Variants in CRIM1 observed in about 807,000 individuals in gnomAD.
CRIM1 encodes the protein cysteine rich transmembrane BMP regulator 1.
In CRIM1, 32 loss-of-function variants were observed where a neutral mutation model predicts 116.4. The ratio of observed to expected loss-of-function variants is 0.27; its 90% confidence interval spans 0.21 to 0.37. CRIM1 has a LOEUF of 0.37. Ranked by LOEUF, CRIM1 falls within the 10% of genes least tolerant of loss-of-function variation. The probability of loss-of-function intolerance (pLI) is 1.00; values close to 1 mark genes in which losing one functional copy is unlikely to be tolerated. For missense variants in CRIM1, 1,331 were observed against 1,354.8 expected (o/e 0.98, Z 0.28); for synonymous variants, 590 against 509.2 (o/e 1.16, Z -2.13).
intron 13 of CRIM1, among the ~76,000 whole-genome samples, chr2:36,532,686 G>A (rs1355352921): frequency 2.0e-5 from 3 of 152,134 alleles, no homozygotes; most frequent in East Asian, 1.9e-4. Context: ...AGGTGCTGGC[G>A]GACTGTGGAA....
At chr2:36,541,791 TG>T (rs1328035862) in intron 14 of CRIM1, among the ~76,000 whole-genome samples, 2 of 152,228 alleles carry the variant, frequency 1.3e-5, no homozygotes, top group Non-Finnish European at 2.9e-5. Context: ...ACTGTCCATC[TG>T]TAATGCCAAC....
intron 5 of CRIM1, among the ~76,000 whole-genome samples, chr2:36,468,858 A>C (rs557509090): frequency 6.6e-6 from 1 of 152,188 alleles, no homozygotes; most frequent in Non-Finnish European, 1.5e-5. Flanking sequence ...CTTAGATACG[A>C]GCATTTGTCC....
rs1265514251 is a variant in CRIM1, at chr2:36,499,321, G to A, written c.1475G>A (p.Gly492Asp). The change falls in exon 8 of 17, where the codon GGT (glycine) becomes GAT (aspartate). Residue 492 changes from glycine to aspartate, a missense_variant. Around this residue, in one of 3 missense-constraint regions of CRIM1, gnomAD observed 690 missense variants for 676.0 expected, o/e 1.02. Transcript: ENST00000280527. ...AATGGTTTCAAACGCGATCACAATG[G>A]TTGTCGGACCTGTCAGTGCATAAAC... ...CINGFKRDHN[G>D]CRTCQCINTE... 4.3e-6 allele frequency: 7 copies of A among 1,614,126 alleles called. No homozygotes were observed. The highest frequency in any genetic ancestry group is 1.7e-5 in the Admixed American group (1 of 60,020).
chr2:36,356,609 C>T lies in CRIM1; in HGVS notation c.317C>T (p.Ala106Val), dbSNP rs745453573. 3.7e-6 allele frequency: 6 copies of T among 1,607,526 alleles called. No homozygotes were observed. The highest frequency in any genetic ancestry group is 4.2e-6 in the Non-Finnish European group (5 of 1,177,866). Residue 106 changes from alanine (A) to valine (V), a missense_variant, in exon 1 of 17, where the codon GCG (alanine) becomes GTG (valine). Physicochemically the swap from Ala to Val is moderately conservative, Grantham distance 64. Around this residue, in one of 3 missense-constraint regions of CRIM1, gnomAD observed 690 missense variants for 676.0 expected, o/e 1.02. Transcript: ENST00000280527. This position sits in a 1 kb window ranked among gnomAD's most constrained non-coding sequence, Gnocchi z 4.3. ...LNGDSLTEYEAGVCEDENWTD... is the reference protein window; with the variant it reads ...LNGDSLTEYEVGVCEDENWTD... ...GGCGACTCCCTCACCGAGTACGAAG[C>T]GGGCGTTTGCGAAGGTACGGCCGCC...
At chr2:36,459,465 T>G (rs1277591267) in intron 4 of CRIM1, among the ~76,000 whole-genome samples, 2 of 152,170 alleles carry the variant, frequency 1.3e-5, no homozygotes, top group South Asian at 4.1e-4. Flanking sequence ...ACCTTTATCA[T>G]TTTTTTACTA....
chr2:36,457,329 C>T (rs986105516), intron 4 of CRIM1, among the ~76,000 whole-genome samples: 10 of 151,658 alleles, frequency 6.6e-5, no homozygotes, highest in African/African-American at 2.4e-4. Context: ...TTTGATTCCT[C>T]CCCCCAGAAA....
At position 36,356,521 on chromosome 2, in the gene CRIM1, A is replaced by G. The variant is rs1254651841; in HGVS notation, c.229A>G (p.Thr77Ala). 1 of 1,612,794 alleles carries G rather than the reference A, an allele frequency of 6.2e-7. No homozygotes were observed. The highest frequency in any genetic ancestry group is 1.7e-5 in the Admixed American group (1 of 60,012). ...ASQRNESCGG[T>A]FGIYGTCDRG... ...CCAGAGGAACGAGAGCTGCGGCGGC[A>G]CCTTCGGGATTTACGGAACCTGCGA... Residue 77 changes from threonine to alanine, a missense_variant, in exon 1 of 17, where the codon ACC becomes GCC. Thr to Ala is a moderately conservative substitution (Grantham distance 58). Coordinates refer to ENST00000280527, the MANE Select transcript of CRIM1 (RefSeq NM_016441.3). The surrounding 1 kb of genome is among the most constrained non-coding windows in gnomAD (Gnocchi z 4.3).
At chr2:36,512,145 C>A (rs935138476) in intron 9 of CRIM1, 128 bp from the exon 10 acceptor site, 15 of 1,138,736 alleles carry the variant, frequency 1.3e-5, no homozygotes, top group Non-Finnish European at 1.9e-5. Flanking sequence ...CTCCAGGAAT[C>A]TTTGAGAGCA....
chr2:36,521,135 T>C (rs1665362476), intron 12 of CRIM1, among the ~76,000 whole-genome samples: 1 of 152,188 alleles, frequency 6.6e-6, no homozygotes, highest in Non-Finnish European at 1.5e-5. Flanking sequence ...GAAGTTACAA[T>C]TTTCATTGAT....
chr2:36,515,417 A>G (rs1430515154), intron 11 of CRIM1, among the ~76,000 whole-genome samples: 1 of 152,198 alleles, frequency 6.6e-6, no homozygotes, highest in East Asian at 1.9e-4. Context: ...ATTTCTGTAG[A>G]TGGATGTGTA....
intron 5 of CRIM1, among the ~76,000 whole-genome samples, chr2:36,466,047 G>A (rs111439617): frequency 0.01 from 478 of 47,226 alleles, 2 homozygotes; most frequent in African/African-American, 0.025. Context: ...CACCACACGC[G>A]GCTAATTTTT....
At chr2:36,515,523 T>A (rs1449793464) in intron 11 of CRIM1, among the ~76,000 whole-genome samples, 1 of 152,226 alleles carries the variant, frequency 6.6e-6, no homozygotes, top group Admixed American at 6.5e-5. Context: ...ACTCCTACTT[T>A]AAAGAATATT....
chr2:36,489,002 C>G (rs1680038532), intron 7 of CRIM1, among the ~76,000 whole-genome samples: 1 of 152,194 alleles, frequency 6.6e-6, no homozygotes, highest in African/African-American at 2.4e-5. Context: ...TACCTCATCC[C>G]TGACTGCAGC....
intron 1 of CRIM1, among the ~76,000 whole-genome samples, chr2:36,393,007 C>T (rs1373572084): frequency 6.6e-6 from 1 of 152,176 alleles, no homozygotes; most frequent in Non-Finnish European, 1.5e-5. Flanking sequence ...CAGCAGAAAA[C>T]AGCAAGGGGC....
chr2:36,383,569 A>G lies in CRIM1; in HGVS notation c.332-13045A>G, dbSNP rs531155844. On this transcript the variant is annotated intron_variant, in intron 1 of 16. Coordinates refer to ENST00000280527, the MANE Select transcript of CRIM1 (RefSeq NM_016441.3). ...ACTTACTCATTTATTTACTTCAGCA[A>G]GTGGATATTGGGGCCTGCTGTGTGT... 2.4e-4 allele frequency among the ~76,000 whole-genome samples: 36 copies of G among 152,310 alleles called. No individual in the cohort carries two copies. In the South Asian group the frequency reaches 5.2e-3, roughly 22 times the overall value.
chr2:36,365,803 A>G (rs575480605), intron 1 of CRIM1, among the ~76,000 whole-genome samples: 2 of 146,902 alleles, frequency 1.4e-5, no homozygotes, highest in Admixed American at 1.4e-4. Context: ...GCATGATCTC[A>G]GCTCACTGCA....
intron 15 of CRIM1, 125 bp downstream of exon 15, chr2:36,544,623 T>C: frequency 9.8e-7 from 1 of 1,021,658 alleles, no homozygotes; most frequent in Non-Finnish European, 1.3e-6. Flanking sequence ...CAAATAACTA[T>C]TCCCGGGCAG....
intron 2 of CRIM1, among the ~76,000 whole-genome samples, chr2:36,427,334 C>T (rs1341086988): frequency 1.3e-5 from 2 of 152,136 alleles, no homozygotes; most frequent in Non-Finnish European, 2.9e-5. Context: ...CAGATGCATC[C>T]ACTCAATATA....
chr2:36,461,048 G>A (rs182623384), intron 4 of CRIM1, among the ~76,000 whole-genome samples: 39 of 152,316 alleles, frequency 2.6e-4, no homozygotes, highest in African/African-American at 8.2e-4. Context: ...TTGAGAAAGG[G>A]TTATATGGAC....
Sources: allele counts gnomAD v4.1 joint callset (sites outside exome capture counted in the v4.1 genomes callset), GRCh38; gene constraint gnomAD v4.1.1; regional missense constraint gnomAD v4.1.1; non-coding constraint Gnocchi (gnomAD v3.1); transcripts MANE v1.5; gene names NCBI Gene and HGNC (gene_info 2026-07-23, HGNC 2026-07-21).